The following FANCC variants were observed in gnomAD, a reference collection of about 807,000 sequenced individuals.
FANCC encodes Fanconi anemia group C protein.
Under a neutral mutation model 71.3 loss-of-function variants are expected in FANCC, and 55 were observed. The observed-to-expected ratio is 0.77, with a 90% CI of 0.62 to 0.97. FANCC has a LOEUF of 0.97. FANCC is among the 50% of genes least tolerant of loss of function. The pLI, the probability that FANCC is intolerant of heterozygous loss-of-function variation, is 0.00. For synonymous variants in FANCC, 275 were observed against 244.9 expected, an observed-to-expected ratio of 1.12 and a Z score of -1.15; for missense variants, 678 against 670.9, an observed-to-expected ratio of 1.01 and a Z score of -0.12.
intron 13 of FANCC, 142 bp from the exon 14 acceptor site, chr9:95,107,411 T>C: frequency 1.2e-6 from 1 of 842,550 alleles, no homozygotes; most frequent in Non-Finnish European, 1.9e-6. Flanking sequence ...AGCGGCCGAA[T>C]TTACACTCGA....
chr9:95,148,275 C>T (rs1368761119), intron 7 of FANCC, among the ~76,000 whole-genome samples: 3 of 152,154 alleles, frequency 2.0e-5, no homozygotes, highest in African/African-American at 7.2e-5. Flanking sequence ...CAAAAAAAGA[C>T]GGTTGCCTGG....
chr9:95,128,042 G>A (rs1263223753), intron 8 of FANCC, among the ~76,000 whole-genome samples: 1 of 152,164 alleles, frequency 6.6e-6, no homozygotes, highest in Non-Finnish European at 1.5e-5. Flanking sequence ...CATTATCTAT[G>A]CAAGAAAATA....
At chr9:95,132,521 C>T (rs1243172671) in intron 8 of FANCC, among the ~76,000 whole-genome samples, 1 of 152,194 alleles carries the variant, frequency 6.6e-6, no homozygotes, top group Non-Finnish European at 1.5e-5. Context: ...TGAAAAGTTT[C>T]AGTCTGTACA....
chr9:95,267,409 C>T (rs1399530978), intron 1 of FANCC, among the ~76,000 whole-genome samples: 1 of 152,086 alleles, frequency 6.6e-6, no homozygotes, highest in Non-Finnish European at 1.5e-5. Context: ...TGCACCCAGG[C>T]TCCATGGAAG....
chr9:95,209,438 A>G (rs1339372534), intron 4 of FANCC, among the ~76,000 whole-genome samples: 2 of 152,258 alleles, frequency 1.3e-5, no homozygotes, highest in Non-Finnish European at 2.9e-5. Flanking sequence ...ATCCCTCTGG[A>G]GGGGACTGTT....
intron 3 of FANCC, among the ~76,000 whole-genome samples, chr9:95,247,179 A>C (rs529641307): frequency 1.3e-5 from 2 of 151,376 alleles, no homozygotes; most frequent in African/African-American, 4.9e-5. Flanking sequence ...GAAGAGCTCT[A>C]TTTTCCTGAA....
intron 1 of FANCC, among the ~76,000 whole-genome samples, chr9:95,303,018 C>T (rs1834846426): frequency 6.6e-6 from 1 of 151,992 alleles, no homozygotes; most frequent in African/African-American, 2.4e-5. Flanking sequence ...AGTTCAGACC[C>T]ACTGGACAAG....
intron 7 of FANCC, among the ~76,000 whole-genome samples, chr9:95,142,130 C>T (rs1828844351): frequency 6.6e-6 from 1 of 150,900 alleles, no homozygotes; most frequent in African/African-American, 2.4e-5. Context: ...GTAGCTGGGA[C>T]TACAGGCACC....
chr9:95,145,017 AT>A (rs1376530575), intron 7 of FANCC, among the ~76,000 whole-genome samples: 1 of 152,202 alleles, frequency 6.6e-6, no homozygotes, highest in Non-Finnish European at 1.5e-5. Flanking sequence ...TGAAACCTGC[AT>A]TTTGACCATT....
chr9:95,141,533 A>C, intron 7 of FANCC, among the ~76,000 whole-genome samples: 1 of 152,160 alleles, frequency 6.6e-6, no homozygotes, highest in East Asian at 1.9e-4. Flanking sequence ...AAAAAACATA[A>C]ACCCAACATC....
At chr9:95,293,379 T>G (rs1834175380) in intron 1 of FANCC, 1 of 1,588,672 alleles carries the variant, frequency 6.3e-7, no homozygotes, top group African/African-American at 1.4e-5. Context: ...CCTGCCCTTG[T>G]CAGTAGGAAC....
chr9:95,139,906 A>G (rs1828369040), intron 7 of FANCC, among the ~76,000 whole-genome samples: 1 of 149,744 alleles, frequency 6.7e-6, no homozygotes, highest in Admixed American at 6.7e-5. Flanking sequence ...TAAAGTAAAA[A>G]AGAAAAAAAT....
intron 4 of FANCC, among the ~76,000 whole-genome samples, chr9:95,205,630 T>A (rs1329712029): frequency 6.6e-6 from 1 of 151,874 alleles, no homozygotes; most frequent in Non-Finnish European, 1.5e-5. Flanking sequence ...TTGTACACAT[T>A]TATTACTTAA....
At chr9:95,234,781 C>T (rs1456249549) in intron 4 of FANCC, among the ~76,000 whole-genome samples, 7 of 152,088 alleles carry the variant, frequency 4.6e-5, no homozygotes, top group South Asian at 4.2e-4. Flanking sequence ...GGAGAGTCAC[C>T]GGTATAGTTT....
At position 95,203,725 on chromosome 9, in the gene FANCC, T is replaced by C. The variant is rs146521166; in HGVS notation, c.346-31578A>G. Among the ~76,000 whole-genome samples the C allele has an allele frequency of 4.7e-3, 709 of 152,328 alleles. 11 individuals are homozygous for C. Among genetic ancestry groups the C allele is most frequent in the South Asian group, 0.042 (205 of 4,824 alleles). On this transcript the variant is annotated intron_variant, in intron 4 of 14. Transcript: ENST00000289081. Reference sequence around the variant, plus strand: ...CAAAAATATTATTTATGAAAAAATATGTTTTCCAAAACAAAACAAAAAATT... The same window carrying C: ...CAAAAATATTATTTATGAAAAAATACGTTTTCCAAAACAAAACAAAAAATT...
At chr9:95,139,474 T>A (rs1385452349) in intron 7 of FANCC, among the ~76,000 whole-genome samples, 1 of 152,154 alleles carries the variant, frequency 6.6e-6, no homozygotes, top group African/African-American at 2.4e-5. Context: ...ACTGCAATCC[T>A]TATATATGAT....
chr9:95,112,313 G>C (rs940176361), intron 12 of FANCC, among the ~76,000 whole-genome samples: 1 of 152,186 alleles, frequency 6.6e-6, no homozygotes, highest in Non-Finnish European at 1.5e-5. Context: ...CATTAGATGA[G>C]AACATTCCTT....
intron 4 of FANCC, among the ~76,000 whole-genome samples, chr9:95,175,794 T>C (rs1825977297): frequency 6.6e-6 from 1 of 152,198 alleles, no homozygotes; most frequent in Non-Finnish European, 1.5e-5. Flanking sequence ...TGGGGTGCAG[T>C]GCAGGTGTTC....
chr9:95,314,547 G>C (rs1274787628), intron 1 of FANCC, among the ~76,000 whole-genome samples: 1 of 152,000 alleles, frequency 6.6e-6, no homozygotes, highest in Non-Finnish European at 1.5e-5. Flanking sequence ...AGCTACTCGG[G>C]AGGCTGAGGC....
Sources: allele counts gnomAD v4.1 joint callset (sites outside exome capture counted in the v4.1 genomes callset), GRCh38; gene constraint gnomAD v4.1.1; transcripts MANE v1.5; gene names NCBI Gene and HGNC (gene_info 2026-07-23, HGNC 2026-07-21).